ZNF335: variants seen among roughly 807,000 people sequenced by gnomAD.
The protein encoded by ZNF335 is zinc finger protein 335, also known as NRC-interacting factor 1.
A neutral mutation model predicts 145.6 loss-of-function variants in ZNF335; 84 were observed. The ratio of observed to expected loss-of-function variants is 0.58; its 90% confidence interval spans 0.48 to 0.69. ZNF335 has a LOEUF of 0.69. Among genes scored for constraint, ZNF335 ranks in the 30% least tolerant of loss-of-function variants. The pLI is 0.00. For synonymous variants in ZNF335, 761 were observed against 717.0 expected, an observed-to-expected ratio of 1.06 and a Z score of -0.98; for missense variants, 1,865 against 1,809.7, an observed-to-expected ratio of 1.03 and a Z score of -0.55.
At chr20:45,964,775 G>C (rs1390914104) in intron 7 of ZNF335, among the ~76,000 whole-genome samples, 2 of 151,968 alleles carry the variant, frequency 1.3e-5, no homozygotes, top group Non-Finnish European at 2.9e-5. Context: ...GGTGGCTCAC[G>C]CCTGTAATCC....
rs1426169751 is a variant in ZNF335 at position 45,957,611 on chromosome 20, C to T, written c.2417G>A (p.Arg806Gln). The change falls in exon 17 of 28, where the codon CGG (arginine) becomes CAG (glutamine). Residue 806 changes from arginine (R) to glutamine (Q), a missense_variant. Physicochemically the swap from Arg to Gln is conservative, Grantham distance 43. Transcript: ENST00000322927. ...LDLLLNMSAQ[R>Q]ELGGTALQVA... ...CTGCAGGGCTGTGCCCCCCAGTTCCCGCTGAGCACTCATGTTCAGCAGAAG... is the reference window on the plus strand; with the variant it reads ...CTGCAGGGCTGTGCCCCCCAGTTCCTGCTGAGCACTCATGTTCAGCAGAAG... 7.4e-6 allele frequency: 12 copies of T among 1,614,012 alleles called. No individual in the cohort carries two copies. The East Asian group carries it at 1.3e-4, about 18-fold the overall frequency.
At chr20:45,959,049 C>T in intron 15 of ZNF335, 152 bp downstream of exon 15, 1 of 564,246 alleles carries the variant, frequency 1.8e-6, no homozygotes, top group African/African-American at 1.9e-5. Context: ...CACCCTTACT[C>T]TAAGCTTAGG....
chr20:45,952,746 G>A (rs1277904626), intron 18 of ZNF335, 37 bp from the exon 19 acceptor site: 1 of 1,591,016 alleles, frequency 6.3e-7, no homozygotes, highest in African/African-American at 1.3e-5. Flanking sequence ...GAAGATGGAG[G>A]GCCACAGGAG....
chr20:45,968,047 T>C lies in ZNF335; in HGVS notation c.521-20A>G. Reference sequence around the variant, plus strand: ...GGGCTCCTGGGGATGGGTGAGGCAATTGGAGGGTGGTTAAATGGAGGGCAG... The same window carrying C: ...GGGCTCCTGGGGATGGGTGAGGCAACTGGAGGGTGGTTAAATGGAGGGCAG... On this transcript the variant is annotated intron_variant, in intron 4 of 27. Coordinates refer to ENST00000322927, the MANE Select transcript of ZNF335 (RefSeq NM_022095.4). The C allele has an allele frequency of 1.9e-6, 3 of 1,611,810 alleles. No individual in the cohort carries two copies. Among genetic ancestry groups the C allele is most frequent in the Admixed American group, 3.3e-5 (2 of 59,984 alleles).
chr20:45,957,958 G>C, intron 15 of ZNF335, 30 bp from the exon 16 acceptor site: 1 of 1,591,950 alleles, frequency 6.3e-7, no homozygotes, highest in Non-Finnish European at 8.6e-7. Flanking sequence ...CCACGCCTGA[G>C]AGGGGCCAGC....
chr20:45,959,220 C>A lies in ZNF335; in HGVS notation c.2234G>T (p.Ser745Ile). ...QHSAAPGPPP[S>I]SPGPPEIPPE... is the part of the protein sequence containing the mutation. ...CCTTACCTCAGGAGGTCCTGGGGAA[C>A]TGGGAGGTGGTCCAGGGGCCGCACT... Residue 745 changes from serine to isoleucine, a missense_variant, in exon 15 of 28, where the codon AGT becomes ATT. Physicochemically the swap from Ser to Ile is moderately radical, Grantham distance 142. Transcript: ENST00000322927. 1 of 1,379,954 alleles carries A rather than the reference C, an allele frequency of 7.2e-7. No homozygotes were observed. 85.5% of individuals were successfully genotyped at this position (1,379,954 alleles called of 1,614,324 possible).
At chr20:45,966,971 C>A in intron 6 of ZNF335, 1 of 160,180 alleles carries the variant, frequency 6.2e-6, no homozygotes, top group South Asian at 1.6e-4. Flanking sequence ...CTCAAGTGAT[C>A]CTCCCAAGTA....
chr20:45,962,872 G>A (rs1193020873), intron 9 of ZNF335, among the ~76,000 whole-genome samples: 1 of 146,158 alleles, frequency 6.8e-6, no homozygotes, highest in African/African-American at 2.6e-5. Flanking sequence ...GGAGTGCAAT[G>A]GTGTGATCTT....
In ZNF335 at chr20:45,950,467, G is replaced by A. The variant is rs2083610516; in HGVS notation, c.3318C>T (p.His1106=). The A allele has an allele frequency of 1.2e-6, 2 of 1,614,224 alleles. No homozygotes were observed. Among genetic ancestry groups the A allele is most frequent in the East Asian group, 4.5e-5 (2 of 44,882 alleles). The change falls in exon 21 of 28, where the codon CAC becomes CAT. Residue 1106 remains histidine (H), a synonymous_variant. Transcript: ENST00000322927. ...THTKEKPFAC[H]LCGQRFNRNG... ...TCTGGCCTCACCGCTGCCCGCAGAG[G>A]TGGCATGCAAAAGGCTTCTCCTTTG...
intron 3 of ZNF335, among the ~76,000 whole-genome samples, 163 bp downstream of exon 3, chr20:45,969,288 C>T (rs1202989049): frequency 6.6e-6 from 1 of 151,556 alleles, no homozygotes; most frequent in East Asian, 1.9e-4. Flanking sequence ...ACAGTGTTGT[C>T]TCATTAAATC....
chr20:45,967,852 G>T lies in ZNF335; in HGVS notation c.696C>A (p.Ser232Arg). The T allele has an allele frequency of 6.2e-7, 1 of 1,613,440 alleles. No individual in the cohort carries two copies. Among genetic ancestry groups the T allele is most frequent in the Non-Finnish European group, 8.5e-7 (1 of 1,180,038 alleles). Residue 232 changes from serine to arginine, a missense_variant, in exon 5 of 28, where the codon AGC becomes AGA. Transcript: ENST00000322927. ...ASGAEEPDLQ[S>R]LEAMMEVVVV... ...CCACCACCTCCATCATGGCCTCCAG[G>T]CTCTGCAGGTCCGGCTCTTCGGCAC...
In ZNF335 at chr20:45,952,617, G is replaced by A; in HGVS notation, c.2795C>T (p.Thr932Ile). 1 of 1,613,978 alleles carries A rather than the reference G, an allele frequency of 6.2e-7. No individual in the cohort carries two copies. The highest frequency in any genetic ancestry group is 2.2e-5 in the East Asian group (1 of 44,882). Residue 932 changes from threonine (T) to isoleucine (I), a missense_variant, in exon 19 of 28, where the codon ACC becomes ATC. Transcript: ENST00000322927. ...CCTCACCTCAATGTGGTGCAACTGG[G>A]TACCATCAGTAGCCATGATGTAGTG... ...GTHYIMATDG[T>I]QLHHIELTAD... is the part of the protein sequence containing the mutation.
At chr20:45,968,541 T>G (rs1031899957) in intron 3 of ZNF335, 179 bp from the exon 4 acceptor site, 3 of 558,478 alleles carry the variant, frequency 5.4e-6, no homozygotes, top group Non-Finnish European at 6.5e-6. Flanking sequence ...CTGGCAGGGC[T>G]GTCTGGAGGT....
intron 20 of ZNF335, 140 bp from the exon 21 acceptor site, chr20:45,950,735 T>A: frequency 8.3e-7 from 1 of 1,202,512 alleles, no homozygotes; most frequent in South Asian, 1.4e-5. Context: ...AACAAGAAGC[T>A]GGGTAGAAAG....
rs1389154425 is a variant in ZNF335, at chr20:45,960,314, G to A, written c.1914C>T (p.Asn638=). The change falls in exon 14 of 28, where the codon AAC becomes AAT. Residue 638 remains asparagine (N), a synonymous_variant. Transcript: ENST00000322927. ...FVCEDKKALL[N]HQLSHVSDKP... is the part of the protein sequence containing the mutation. ...TGTCACTGACGTGGGACAACTGGTGGTTCAGCAGTGCCTTCTTGTCTTCAC... is the reference window on the plus strand; with the variant it reads ...TGTCACTGACGTGGGACAACTGGTGATTCAGCAGTGCCTTCTTGTCTTCAC... The A allele has an allele frequency of 6.2e-7, 1 of 1,614,204 alleles. No homozygotes were observed. The highest frequency in any genetic ancestry group is 8.5e-7 in the Non-Finnish European group (1 of 1,180,024).
At chr20:45,957,120 G>A (rs1197906082) in intron 17 of ZNF335, among the ~76,000 whole-genome samples, 1 of 152,186 alleles carries the variant, frequency 6.6e-6, no homozygotes, top group Admixed American at 6.5e-5. Flanking sequence ...TGAACTTTGG[G>A]GAGGTGCATG....
In ZNF335 at chr20:45,967,901, G is replaced by T. The variant is rs200963656; in HGVS notation, c.647C>A (p.Pro216Gln). ...ACCGGAGGCTGGGGGCAGCTGCACC[G>T]GGGAGCTGGGCCCACCCTGTGCCTC... ...CLEAQGGPSS[P>Q]VQLPPASGAE... The change falls in exon 5 of 28, where the codon CCG becomes CAG. Residue 216 changes from proline to glutamine, a missense_variant. By Grantham distance (76) the Pro-to-Gln change is moderately conservative. Coordinates refer to ENST00000322927, the MANE Select transcript of ZNF335 (RefSeq NM_022095.4). The T allele has an allele frequency of 1.9e-6, 3 of 1,612,570 alleles. No individual in the cohort carries two copies. Among genetic ancestry groups the T allele is most frequent in the African/African-American group, 1.3e-5 (1 of 75,042 alleles).
In ZNF335 at chr20:45,949,912, C is replaced by G. The variant is rs200935691; in HGVS notation, c.3592-35G>C. On this transcript the variant is annotated intron_variant, in intron 23 of 27. Transcript: ENST00000322927. ...CCAAGACAGCTCTAGCCTCATTTCTCTACCCCAACCCCTGCCTGTCGCTGG... is the reference window on the plus strand; with the variant it reads ...CCAAGACAGCTCTAGCCTCATTTCTGTACCCCAACCCCTGCCTGTCGCTGG... The G allele has an allele frequency of 1.5e-4, 241 of 1,614,152 alleles. No individual in the cohort carries two copies. The African/African-American group carries it at 3.0e-3, about 20-fold the overall frequency.
Position 45,963,653 on chromosome 20 carries a change from G to T in ZNF335, c.1356-3C>A, listed in dbSNP as rs1208259471. On this transcript the variant is annotated splice_region_variant and splice_polypyrimidine_tract_variant and intron_variant, in intron 8 of 27. Transcript: ENST00000322927. The stretch of plus-strand genomic sequence containing the variant: ...GTTTGGGCGACTTGTAATAGTACCT[G>T]CAGGATGAGAGTGTGGCGGAAAGGT... 1 of 1,614,122 alleles carries T rather than the reference G, an allele frequency of 6.2e-7. No homozygotes were observed. Among genetic ancestry groups the T allele is most frequent in the African/African-American group, 1.3e-5 (1 of 75,060 alleles).
Sources: allele counts gnomAD v4.1 joint callset (sites outside exome capture counted in the v4.1 genomes callset), GRCh38; gene constraint gnomAD v4.1.1; transcripts MANE v1.5; gene names NCBI Gene and HGNC (gene_info 2026-07-23, HGNC 2026-07-21).